CDC42SE2: variants seen among roughly 807,000 people sequenced by gnomAD.
CDC42SE2 encodes CDC42 small effector 2.
A neutral mutation model predicts 11.5 loss-of-function variants in CDC42SE2; 3 were observed. That is an observed-to-expected ratio of 0.26 (90% CI 0.12 to 0.67). CDC42SE2 has a LOEUF of 0.67. Among genes scored for constraint, CDC42SE2 ranks in the 30% least tolerant of loss-of-function variants. CDC42SE2 has a pLI of 0.80. For missense variants in CDC42SE2, 82 were observed against 106.8 expected, an observed-to-expected ratio of 0.77 and a Z score of 1.02; for synonymous variants, 33 against 34.8, an observed-to-expected ratio of 0.95 and a Z score of 0.18.
chr5:131,275,436 A>G (rs1294754477), intron 1 of CDC42SE2, among the ~76,000 whole-genome samples: 1 of 151,766 alleles, frequency 6.6e-6, no homozygotes, highest in Non-Finnish European at 1.5e-5. Context: ...AGCTGGGATT[A>G]CAGGAGTCCA....
At chr5:131,269,657 G>A (rs1318757268) in intron 1 of CDC42SE2, among the ~76,000 whole-genome samples, 1 of 152,096 alleles carries the variant, frequency 6.6e-6, no homozygotes, top group Non-Finnish European at 1.5e-5. Context: ...CCAGCTACTT[G>A]GGAGGCTGAG....
the CDC42SE2 span, among the ~76,000 whole-genome samples, chr5:131,219,989 A>G: frequency 1.3e-5 from 2 of 152,106 alleles, no homozygotes; most frequent in African/African-American, 4.8e-5. Context: ...TAATATAGAT[A>G]TCTTTTGGAA....
At position 131,353,450 on chromosome 5, in the gene CDC42SE2, T is replaced by G. The variant is rs183620116; in HGVS notation, c.-285-5759T>G. Among the ~76,000 whole-genome samples, 251 of 152,142 alleles carry G rather than the reference T, an allele frequency of 1.6e-3. 1 individual carries two copies. Among genetic ancestry groups the G allele is most frequent in the African/African-American group, 5.7e-3 (237 of 41,518 alleles). On this transcript the variant is annotated intron_variant, in intron 2 of 4. Transcript: ENST00000505065. ...GTGCATGCCACCATGCCCAGCTAAT[T>G]TTTGTATTTTTAGTAGGGATGGGGT... is the stretch of plus-strand genomic sequence containing the variant.
intron 1 of CDC42SE2, among the ~76,000 whole-genome samples, chr5:131,309,883 C>T (rs550242882): frequency 2.0e-5 from 3 of 151,536 alleles, no homozygotes; most frequent in South Asian, 4.2e-4. Context: ...TTTGTTGATC[C>T]TTTCAAAAAA....
intron 4 of CDC42SE2, among the ~76,000 whole-genome samples, chr5:131,388,426 A>G (rs550459691): frequency 6.6e-6 from 1 of 152,360 alleles, no homozygotes; most frequent in South Asian, 2.1e-4. Flanking sequence ...TGTTTATTCA[A>G]ATAAAAGAAC....
chr5:131,340,534 G>T (rs904298160), intron 2 of CDC42SE2, among the ~76,000 whole-genome samples: 6 of 152,114 alleles, frequency 3.9e-5, no homozygotes, highest in Non-Finnish European at 8.8e-5. Context: ...ATACATGGGA[G>T]ATTTCTGTTC....
At chr5:131,358,662 C>T (rs1273755339) in intron 2 of CDC42SE2, among the ~76,000 whole-genome samples, 3 of 151,992 alleles carry the variant, frequency 2.0e-5, no homozygotes, top group Admixed American at 6.6e-5. Flanking sequence ...TCTAATAGCT[C>T]GATTCACAGA....
intron 1 of CDC42SE2, among the ~76,000 whole-genome samples, chr5:131,274,988 C>G (rs1038794678): frequency 6.6e-6 from 1 of 152,166 alleles, no homozygotes. Context: ...CACCTAAAAC[C>G]ATGTAGTCCT....
chr5:131,277,655 G>A (rs538706150), intron 1 of CDC42SE2, among the ~76,000 whole-genome samples: 1 of 152,232 alleles, frequency 6.6e-6, no homozygotes, highest in East Asian at 1.9e-4. Context: ...CTTGGCCTTG[G>A]CTTAGAGCTT....
At chr5:131,359,761 G>T (rs141527885) in intron 3 of CDC42SE2, among the ~76,000 whole-genome samples, 1 of 152,092 alleles carries the variant, frequency 6.6e-6, no homozygotes, top group South Asian at 2.1e-4. Flanking sequence ...ACCATTCATC[G>T]TACATGACTG....
intron 1 of CDC42SE2, among the ~76,000 whole-genome samples, chr5:131,274,626 C>T (rs1479710217): frequency 6.6e-6 from 1 of 152,166 alleles, no homozygotes; most frequent in Non-Finnish European, 1.5e-5. Flanking sequence ...CTTTCCATAT[C>T]GTTTATAAAA....
intron 1 of CDC42SE2, among the ~76,000 whole-genome samples, chr5:131,292,906 C>CAAAAAAAAAAAAAA (rs869300653): frequency 1.5e-4 from 9 of 58,898 alleles, no homozygotes; most frequent in African/African-American, 8.1e-4. Flanking sequence ...GACCCTGTCT[C>CAAAAAAAAAAAAAA]AAAAAAAAAA....
At chr5:131,343,145 C>T (rs1375901867) in intron 2 of CDC42SE2, among the ~76,000 whole-genome samples, 1 of 144,998 alleles carries the variant, frequency 6.9e-6, no homozygotes, top group African/African-American at 2.6e-5. Flanking sequence ...GTATAATGGT[C>T]CCACCCACCG....
At chr5:131,301,721 G>A (rs945482591) in intron 1 of CDC42SE2, among the ~76,000 whole-genome samples, 24 of 150,476 alleles carry the variant, frequency 1.6e-4, no homozygotes, top group African/African-American at 5.6e-4. Context: ...TCACGCCACT[G>A]CACTCTAGTT....
At chr5:131,288,684 C>A (rs975454236) in intron 1 of CDC42SE2, among the ~76,000 whole-genome samples, 5 of 152,118 alleles carry the variant, frequency 3.3e-5, no homozygotes, top group Admixed American at 1.3e-4. Context: ...TATTTGAGAG[C>A]AAATTAGGGA....
chr5:131,322,457 T>G (rs908215005), intron 2 of CDC42SE2, among the ~76,000 whole-genome samples: 1 of 152,204 alleles, frequency 6.6e-6, no homozygotes, highest in African/African-American at 2.4e-5. Flanking sequence ...CTTAGTATAG[T>G]GTTCGTAAGG....
At chr5:131,292,269 A>G (rs1461670492) in intron 1 of CDC42SE2, among the ~76,000 whole-genome samples, 7 of 147,014 alleles carry the variant, frequency 4.8e-5, no homozygotes, top group Non-Finnish European at 9.0e-5. Context: ...AAAAAAAGAT[A>G]ATAATAATAT....
At chr5:131,364,903 A>G (rs1456251121) in intron 3 of CDC42SE2, among the ~76,000 whole-genome samples, 1 of 152,182 alleles carries the variant, frequency 6.6e-6, no homozygotes, top group Non-Finnish European at 1.5e-5. Context: ...AGATGGTTCA[A>G]GGTTACTTCA....
At chr5:131,344,852 G>A (rs1758801022) in intron 2 of CDC42SE2, among the ~76,000 whole-genome samples, 1 of 152,242 alleles carries the variant, frequency 6.6e-6, no homozygotes, top group South Asian at 2.1e-4. Context: ...AATATTTGCT[G>A]TTCTGCAGCC....
Sources: allele counts gnomAD v4.1 joint callset (sites outside exome capture counted in the v4.1 genomes callset), GRCh38; gene constraint gnomAD v4.1.1; transcripts MANE v1.5; gene names NCBI Gene and HGNC (gene_info 2026-07-23, HGNC 2026-07-21).